BOD1L1: variants seen among roughly 807,000 people sequenced by gnomAD.
BOD1L1 encodes the protein biorientation of chromosomes in cell division 1 like 1.
Under a neutral mutation model 240.7 loss-of-function variants are expected in BOD1L1, and 86 were observed. The ratio of observed to expected loss-of-function variants is 0.36; its 90% CI spans 0.30 to 0.43. The LOEUF is 0.43. BOD1L1 is among the 20% of genes least tolerant of loss of function. The pLI is 1.00. For synonymous variants in BOD1L1, 1,268 were observed against 1,272.3 expected, an observed-to-expected ratio of 1.00 and a Z score of 0.07; for missense variants, 3,554 against 3,643.5, an observed-to-expected ratio of 0.98 and a Z score of 0.63.
At chr4:13,612,941 G>C (rs1022929943) in intron 5 of BOD1L1, among the ~76,000 whole-genome samples, 1 of 152,204 alleles carries the variant, frequency 6.6e-6, no homozygotes, top group Non-Finnish European at 1.5e-5. Flanking sequence ...TATGTTGTCA[G>C]ACATCAATGC....
rs776151595 is a variant in BOD1L1, at chr4:13,605,059, G to C, written c.1841C>G (p.Ser614Cys). The C allele has an allele frequency of 6.4e-7, 1 of 1,553,984 alleles. No homozygotes were observed. The highest frequency in any genetic ancestry group is 8.6e-7 in the Non-Finnish European group (1 of 1,157,876). ...ATGAACATGCTTCAGCTCCTTTGAA[G>C]AAGAAATTTTTTCCTTTTCACAATG... Reference protein sequence around the residue: ...SEHCEKEKISSSKELKHVHAK... With the variant: ...SEHCEKEKISCSKELKHVHAK... The change falls in exon 10 of 26, where the codon TCT becomes TGT. Residue 614 changes from serine to cysteine, a missense_variant. This residue lies in a region of BOD1L1 where 3,393 missense variants were observed against 3,427.1 expected (regional missense o/e 0.99). Coordinates refer to ENST00000040738, the MANE Select transcript of BOD1L1 (RefSeq NM_148894.3).
rs548879998 is a variant in BOD1L1, at chr4:13,599,514, C to T, written c.7386G>A (p.Lys2462=). The T allele has an allele frequency of 2.5e-6, 4 of 1,614,042 alleles. No individual in the cohort carries two copies. The highest frequency in any genetic ancestry group is 1.1e-5 in the South Asian group (1 of 91,084). The change falls in exon 10 of 26, where the codon AAG becomes AAA. Residue 2462 remains lysine (K), a synonymous_variant. Coordinates refer to ENST00000040738, the MANE Select transcript of BOD1L1 (RefSeq NM_148894.3). ...STLHLINAEE[K]NVLLNSLQKE... Reference sequence around the variant, plus strand: ...TCTGAAGGGAGTTCAACAATACATTCTTCTCTTCTGCATTTATGAGGTGTA... The same window carrying T: ...TCTGAAGGGAGTTCAACAATACATTTTTCTCTTCTGCATTTATGAGGTGTA...
rs762476091 is a variant in BOD1L1 at position 13,599,396 on chromosome 4, G to A, written c.7504C>T (p.Pro2502Ser). The part of the protein sequence containing the change: ...GRGLEGNANS[P>S]AHLRGPEQTS... ...TGTTCTGGTCCTCTCAGGTGGGCAG[G>A]TGAGTTAGCATTCCCCTCTAAGCCC... Residue 2502 changes from proline (P) to serine (S), a missense_variant, in exon 10 of 26, where the codon CCT becomes TCT. Transcript: ENST00000040738. 3.1e-6 allele frequency: 5 copies of A among 1,613,974 alleles called. No individual in the cohort carries two copies. Among genetic ancestry groups the A allele is most frequent in the Non-Finnish European group, 4.2e-6 (5 of 1,179,890 alleles).
chr4:13,590,711 G>T (rs965408891), intron 13 of BOD1L1, among the ~76,000 whole-genome samples: 1 of 152,088 alleles, frequency 6.6e-6, no homozygotes, highest in African/African-American at 2.4e-5. Flanking sequence ...ATAAATAAGA[G>T]AAAAATTTTC....
At chr4:13,623,539 G>T (rs1717181872) in intron 1 of BOD1L1, 1 of 152,394 alleles carries the variant, frequency 6.6e-6, no homozygotes, top group Non-Finnish European at 1.5e-5. Context: ...AGGAGTCTTT[G>T]CAGTAGTTGG....
chr4:13,606,499 G>A (rs1715711853), intron 9 of BOD1L1, among the ~76,000 whole-genome samples: 1 of 152,146 alleles, frequency 6.6e-6, no homozygotes, highest in Admixed American at 6.5e-5. Context: ...GAAAGCAAAA[G>A]TTTGTCCCAC....
At chr4:13,607,224 CA>C (rs1187009777) in intron 8 of BOD1L1, 35 bp from the exon 9 acceptor site, 1 of 1,344,298 alleles carries the variant, frequency 7.4e-7, no homozygotes. Context: ...AAGCATGAAT[CA>C]AATACGAAAA....
At chr4:13,611,147 A>G in intron 5 of BOD1L1, 47 bp from the exon 6 acceptor site, 3 of 1,392,348 alleles carry the variant, frequency 2.2e-6, no homozygotes, top group Non-Finnish European at 3.0e-6. Flanking sequence ...GAATTAGCAT[A>G]AAATCAACAT....
At chr4:13,579,819 G>T in intron 22 of BOD1L1, 109 bp downstream of exon 22, 2 of 800,498 alleles carry the variant, frequency 2.5e-6, no homozygotes, top group Non-Finnish European at 4.0e-6. Context: ...TACCAAGGGG[G>T]CCACCCACTT....
intron 17 of BOD1L1, among the ~76,000 whole-genome samples, chr4:13,584,808 T>A (rs2108900919): frequency 6.6e-6 from 1 of 152,314 alleles, no homozygotes; most frequent in East Asian, 1.9e-4. Flanking sequence ...ATAATGACTT[T>A]ATTGATTTTA....
Position 13,604,911 on chromosome 4 carries a change from G to A in BOD1L1, c.1989C>T (p.Ile663=). 1 of 1,613,314 alleles carries A rather than the reference G, an allele frequency of 6.2e-7. No individual in the cohort carries two copies. ...EHKRRTSTPV[I]MEGVQEETDT... ...CAGTCTCTTCCTGTACCCCCTCCAT[G>A]ATAACAGGGGTAGATGTCCGTCTTT... Residue 663 remains isoleucine, a synonymous_variant, in exon 10 of 26, where the codon ATC becomes ATT. Coordinates refer to ENST00000040738, the MANE Select transcript of BOD1L1 (RefSeq NM_148894.3).
At chr4:13,597,239 A>G in intron 10 of BOD1L1, 71 bp from the exon 11 acceptor site, 1 of 1,189,672 alleles carries the variant, frequency 8.4e-7, no homozygotes, top group Non-Finnish European at 1.2e-6. Context: ...TCAAAAAGTA[A>G]TGGAATGTGG....
At chr4:13,582,179 T>C in intron 19 of BOD1L1, 58 bp downstream of exon 19, 1 of 1,411,616 alleles carries the variant, frequency 7.1e-7, no homozygotes, top group Non-Finnish European at 9.9e-7. Flanking sequence ...TTTAATGAAT[T>C]TAATTTGGTT....
In BOD1L1 at chr4:13,614,765, A is replaced by G; in HGVS notation, c.605T>C (p.Met202Thr). ...GPSANVANDA[M>T]SILETITSLN... ...AGAAGTTATGGTTTCCAATATCGAC[A>G]TGGCATCATTGGCTACATTAGCACT... Residue 202 changes from methionine to threonine, a missense_variant, in exon 4 of 26, where the codon ATG becomes ACG. Met to Thr is a moderately conservative substitution (Grantham distance 81). Transcript: ENST00000040738. 1 of 1,613,784 alleles carries G rather than the reference A, an allele frequency of 6.2e-7. No homozygotes were observed. Among genetic ancestry groups the G allele is most frequent in the Non-Finnish European group, 8.5e-7 (1 of 1,179,806 alleles).
At chr4:13,591,546 G>A (rs1054140759) in intron 13 of BOD1L1, among the ~76,000 whole-genome samples, 6 of 152,188 alleles carry the variant, frequency 3.9e-5, no homozygotes, top group Non-Finnish European at 7.4e-5. Context: ...TGTACACATA[G>A]CAGTTACAGG....
At chr4:13,607,411 G>A (rs1346629817) in intron 8 of BOD1L1, among the ~76,000 whole-genome samples, 1 of 152,150 alleles carries the variant, frequency 6.6e-6, no homozygotes, top group Non-Finnish European at 1.5e-5. Flanking sequence ...TAATTCTCCT[G>A]CCTCAGCCTC....
intron 12 of BOD1L1, chr4:13,593,157 T>C (rs1340729541): frequency 1.3e-5 from 2 of 152,052 alleles, no homozygotes; most frequent in Non-Finnish European, 2.9e-5. Context: ...CCCTAAGAAA[T>C]CTGAAATTCG....
chr4:13,572,196 A>T (rs1348174224), intron 25 of BOD1L1, among the ~76,000 whole-genome samples: 10 of 152,168 alleles, frequency 6.6e-5, no homozygotes, highest in Non-Finnish European at 1.3e-4. Flanking sequence ...GACGGAAAGG[A>T]TCTGACTTAC....
rs1717499974 is a variant in BOD1L1 at position 13,627,517 on chromosome 4, T to G, written c.71A>C (p.Gln24Pro). The G allele has an allele frequency of 1.9e-6, 2 of 1,059,922 alleles. No homozygotes were observed. Among genetic ancestry groups the G allele is most frequent in the Non-Finnish European group, 2.3e-6 (2 of 878,168 alleles). 65.7% of individuals were successfully genotyped at this position (1,059,922 alleles called of 1,614,324 possible). A position where few individuals can be genotyped will look rare whatever the true frequency, so the allele number is the denominator to read the frequency against. The part of the protein sequence containing the change: ...PPPPPPQPQP[Q>P]PPPPPPGPGA... ...GGGGCCCGGCGGCGGCGGCGGTGGC[T>G]GCGGCTGCGGCTGCGGCGGGGGAGG... The change falls in exon 1 of 26, where the codon CAG becomes CCG. Residue 24 changes from glutamine to proline, a missense_variant. Transcript: ENST00000040738.
Sources: allele counts gnomAD v4.1 joint callset (sites outside exome capture counted in the v4.1 genomes callset), GRCh38; gene constraint gnomAD v4.1.1; regional missense constraint gnomAD v4.1.1; transcripts MANE v1.5; gene names NCBI Gene and HGNC (gene_info 2026-07-23, HGNC 2026-07-21).